The following KIZ variants were observed in gnomAD, a reference collection of about 807,000 sequenced individuals.
The protein encoded by KIZ is kizuna centrosomal protein, also known as centrosomal protein kizuna.
KIZ carries 68 observed loss-of-function variants against 79.6 expected under a neutral mutation model. That is an observed-to-expected ratio of 0.85 (90% CI 0.70 to 1.05). KIZ has a LOEUF of 1.05. KIZ is among the 50% of genes least tolerant of loss of function. The pLI, the probability that KIZ is intolerant of heterozygous loss-of-function variation, is 0.00. For missense variants in KIZ, 797 were observed against 800.4 expected, an observed-to-expected ratio of 1.00 and a Z score of 0.05; for synonymous variants, 280 against 281.8, an observed-to-expected ratio of 0.99 and a Z score of 0.06.
chr20:21,227,987 A>G (rs2036711746), intron 9 of KIZ, among the ~76,000 whole-genome samples: 1 of 152,210 alleles, frequency 6.6e-6, no homozygotes, highest in African/African-American at 2.4e-5. Context: ...ATTCCAAAGT[A>G]TAATGTTCAT....
intron 2 of KIZ, among the ~76,000 whole-genome samples, chr20:21,135,086 C>T (rs999702082): frequency 1.3e-5 from 2 of 152,142 alleles, no homozygotes; most frequent in Non-Finnish European, 2.9e-5. Flanking sequence ...GCATTCATCA[C>T]GTATTTACTT....
At chr20:21,179,580 T>A (rs2034568516) in intron 6 of KIZ, among the ~76,000 whole-genome samples, 1 of 152,070 alleles carries the variant, frequency 6.6e-6, no homozygotes, top group Non-Finnish European at 1.5e-5. Flanking sequence ...TTCATTTATC[T>A]CTGATCATTA....
chr20:21,126,157 C>T lies in KIZ; in HGVS notation c.42C>T (p.Pro14=). 1 of 1,511,074 alleles carries T rather than the reference C, an allele frequency of 6.6e-7. No homozygotes were observed. The highest frequency in any genetic ancestry group is 1.2e-5 in the South Asian group (1 of 80,608). The allele number at this position is 1,511,074 out of a possible 1,614,324, so 93.6% of individuals were successfully genotyped here. A position where few individuals can be genotyped will look rare whatever the true frequency, so the allele number is the denominator to read the frequency against. Residue 14 remains proline, a synonymous_variant, in exon 1 of 13, where the codon CCC becomes CCT. Coordinates refer to ENST00000619189, the MANE Select transcript of KIZ (RefSeq NM_018474.6). ...CATCGGCCGTGCCCCTGTCGAGTCC[C>T]GACTACTACGAGAGGCTGGGCCAAC... ...TLASAVPLSS[P]DYYERLGQLQ...
intron 7 of KIZ, among the ~76,000 whole-genome samples, chr20:21,207,592 G>C (rs1344186463): frequency 6.6e-6 from 1 of 150,458 alleles, no homozygotes; most frequent in African/African-American, 2.5e-5. Flanking sequence ...TTAGAGGGAA[G>C]AAATAAATTA....
intron 9 of KIZ, among the ~76,000 whole-genome samples, chr20:21,219,193 T>G (rs115423163): frequency 2.0e-5 from 3 of 151,698 alleles, no homozygotes; most frequent in Admixed American, 1.3e-4. Context: ...GTAGAATATT[T>G]ATCGAGCTTA....
At chr20:21,126,014 G>C (rs533915288), upstream of KIZ, 984 of 1,331,462 alleles carry the variant, frequency 7.4e-4, 8 homozygotes, top group African/African-American at 0.014. Flanking sequence ...CAGGCGGCCC[G>C]GCGCGGTGTT....
chr20:21,222,171 A>G (rs1424694318), intron 9 of KIZ, among the ~76,000 whole-genome samples: 4 of 152,230 alleles, frequency 2.6e-5, no homozygotes, highest in Admixed American at 1.3e-4. Flanking sequence ...TTTATTTAAC[A>G]TGGTCATTAA....
Position 21,184,226 on chromosome 20 carries a change from C to T in KIZ, c.1352+21067C>T, listed in dbSNP as rs559288056. The stretch of plus-strand genomic sequence containing the variant: ...GCAATGGTGCGATCTCAGATCACTG[C>T]AACCTCTGCCTCCTGGGTACAAGTG... On this transcript the variant is annotated intron_variant, in intron 6 of 12. Coordinates refer to ENST00000619189, the MANE Select transcript of KIZ (RefSeq NM_018474.6). Among the ~76,000 whole-genome samples, 175 of 151,456 alleles carry T rather than the reference C, an allele frequency of 1.2e-3. 1 individual carries two copies. Among genetic ancestry groups the T allele is most frequent in the African/African-American group, 4.1e-3 (170 of 41,236 alleles).
intron 3 of KIZ, among the ~76,000 whole-genome samples, chr20:21,139,766 A>G (rs767385563): frequency 3.2e-4 from 48 of 152,328 alleles, no homozygotes; most frequent in Non-Finnish European, 5.7e-4. Context: ...GACTATCAAC[A>G]TGGGGGACCA....
At chr20:21,220,395 C>T (rs2036464680) in intron 9 of KIZ, among the ~76,000 whole-genome samples, 1 of 152,090 alleles carries the variant, frequency 6.6e-6, no homozygotes, top group Non-Finnish European at 1.5e-5. Flanking sequence ...TGTGTTTGAT[C>T]TTGAATTGAA....
chr20:21,165,230 A>G (rs1158971776), intron 6 of KIZ, among the ~76,000 whole-genome samples: 1 of 152,236 alleles, frequency 6.6e-6, no homozygotes, highest in Non-Finnish European at 1.5e-5. Flanking sequence ...ATAGGAGCAT[A>G]TGATCCAGAA....
In KIZ at chr20:21,242,514, G is replaced by A. The variant is rs115737865; in HGVS notation, c.1881-1731G>A. On this transcript the variant is annotated intron_variant, in intron 11 of 12. Coordinates refer to ENST00000619189, the MANE Select transcript of KIZ (RefSeq NM_018474.6). ...TTTTGTTGACCAGTGTACTGGCAGT[G>A]CCCAGGGAACTGGTGAGGACTGCAG... 9.1e-3 allele frequency among the ~76,000 whole-genome samples: 1,376 copies of A among 151,112 alleles called. 26 individuals are homozygous for A. The highest frequency in any genetic ancestry group is 0.032 in the African/African-American group (1,311 of 41,050).
intron 6 of KIZ, among the ~76,000 whole-genome samples, chr20:21,191,153 C>T (rs1167948625): frequency 6.6e-6 from 1 of 152,168 alleles, no homozygotes; most frequent in Non-Finnish European, 1.5e-5. Context: ...CCTCATAAAG[C>T]ATTTGTTCAT....
chr20:21,230,925 A>G (rs2036813795), intron 10 of KIZ, among the ~76,000 whole-genome samples: 1 of 152,208 alleles, frequency 6.6e-6, no homozygotes, highest in Non-Finnish European at 1.5e-5. Flanking sequence ...GGAGAGTAAC[A>G]CCGTGCTCAG....
intron 6 of KIZ, among the ~76,000 whole-genome samples, chr20:21,172,201 A>G (rs1424417484): frequency 1.3e-5 from 2 of 152,238 alleles, no homozygotes; most frequent in Admixed American, 6.5e-5. Context: ...AACATTAAAT[A>G]TGGAACACCT....
intron 6 of KIZ, among the ~76,000 whole-genome samples, chr20:21,170,385 C>T (rs1043778752): frequency 1.3e-5 from 2 of 151,348 alleles, no homozygotes; most frequent in African/African-American, 2.4e-5. Flanking sequence ...ATACCAAATA[C>T]TAGATCTTTT....
chr20:21,147,852 T>G (rs1260990832), intron 4 of KIZ, among the ~76,000 whole-genome samples: 1 of 151,878 alleles, frequency 6.6e-6, no homozygotes, highest in African/African-American at 2.4e-5. Flanking sequence ...CATAGAAGGA[T>G]GTGCAGGATG....
intron 4 of KIZ, among the ~76,000 whole-genome samples, chr20:21,156,561 C>G (rs1227866906): frequency 3.3e-5 from 5 of 151,956 alleles, no homozygotes; most frequent in Admixed American, 1.3e-4. Context: ...GTATATAATA[C>G]TTGGTGATAA....
At chr20:21,206,369 C>T (rs1048127441) in intron 7 of KIZ, among the ~76,000 whole-genome samples, 4 of 151,996 alleles carry the variant, frequency 2.6e-5, no homozygotes, top group Admixed American at 2.6e-4. Context: ...GAGAGCCAAG[C>T]CAAGACTCCT....
Sources: gnomAD v4.1 joint callset for allele counts (sites outside exome capture counted in the v4.1 genomes callset) on GRCh38, gnomAD v4.1.1 for gene constraint, MANE v1.5 for transcripts, NCBI Gene and HGNC (gene_info 2026-07-23, HGNC 2026-07-21) for gene names.